Variants in NAP1L4 observed in about 807,000 individuals in gnomAD.
NAP1L4 encodes the protein nucleosome assembly protein 1 like 4.
A neutral mutation model predicts 58.2 loss-of-function variants in NAP1L4; 15 were observed. The observed-to-expected ratio is 0.26, with a 90% CI of 0.17 to 0.40. The LOEUF (loss-of-function observed/expected upper bound fraction) is 0.40, where lower values mean the gene tolerates loss of function less well. Among genes scored for constraint, NAP1L4 ranks in the 10% least tolerant of loss-of-function variants. NAP1L4 has a pLI of 1.00. For synonymous variants in NAP1L4, 171 were observed against 155.6 expected, an observed-to-expected ratio of 1.10 and a Z score of -0.74; for missense variants, 384 against 451.1, an observed-to-expected ratio of 0.85 and a Z score of 1.35.
Position 2,981,058 on chromosome 11 carries a change from C to T in NAP1L4, c.-17-1821G>A, listed in dbSNP as rs138630756. ...CAGCCTGGGCAACATGGGGAAACCT[C>T]GTCTCTACAAAAACAAACAAACAAA... is the stretch of plus-strand genomic sequence containing the variant. On this transcript the variant is annotated intron_variant, in intron 1 of 15. Coordinates refer to ENST00000380542, the MANE Select transcript of NAP1L4 (RefSeq NM_005969.4). Among the ~76,000 whole-genome samples, 721 of 151,624 alleles carry T rather than the reference C, an allele frequency of 4.8e-3. 4 individuals are homozygous for T. Among genetic ancestry groups the T allele is most frequent in the Non-Finnish European group, 8.3e-3 (561 of 67,912 alleles).
intron 7 of NAP1L4, among the ~76,000 whole-genome samples, chr11:2,964,975 C>T (rs972973063): frequency 1.3e-5 from 2 of 151,604 alleles, no homozygotes; most frequent in African/African-American, 4.8e-5. Flanking sequence ...TGTGGAGCAA[C>T]GGTGGCTGCC....
chr11:2,974,238 GTCA>G (rs1847822086), intron 4 of NAP1L4, among the ~76,000 whole-genome samples: 1 of 151,954 alleles, frequency 6.6e-6, no homozygotes, highest in South Asian at 2.1e-4. Flanking sequence ...CCATTAACTC[GTCA>G]TTTAGACAAA....
chr11:2,969,394 C>T (rs879760831), intron 7 of NAP1L4, among the ~76,000 whole-genome samples: 1 of 152,008 alleles, frequency 6.6e-6, no homozygotes, highest in Non-Finnish European at 1.5e-5. Context: ...AAACACACAG[C>T]TCATCCCTTC....
intron 8 of NAP1L4, among the ~76,000 whole-genome samples, chr11:2,961,474 C>T (rs1013205503): frequency 1.3e-5 from 2 of 149,834 alleles, no homozygotes; most frequent in Non-Finnish European, 3.0e-5. Flanking sequence ...AATAAAATGC[C>T]TATTTCTCTC....
chr11:2,958,370 TAATG>T, intron 10 of NAP1L4, 25 bp downstream of exon 10: 3 of 1,611,088 alleles, frequency 1.9e-6, no homozygotes, highest in Non-Finnish European at 1.7e-6. Flanking sequence ...TATAAGAACA[TAATG>T]AATATTAACA....
chr11:2,978,370 T>C lies in NAP1L4; in HGVS notation c.15-28A>G, dbSNP rs116251576. On this transcript the variant is annotated intron_variant, in intron 2 of 15. Coordinates refer to ENST00000380542, the MANE Select transcript of NAP1L4 (RefSeq NM_005969.4). ...AAAACAACAGTATGTTTAAAAAGTA[T>C]TACTGTAAAGAAAGTTCCAAAGACA... is the stretch of plus-strand genomic sequence containing the variant. The C allele has an allele frequency of 9.7e-4, 1,551 of 1,604,550 alleles. 12 individuals are homozygous for C. The African/African-American group carries it at 0.019, about 19-fold the overall frequency.
At chr11:2,962,269 G>T (rs1846971661) in intron 8 of NAP1L4, among the ~76,000 whole-genome samples, 1 of 152,266 alleles carries the variant, frequency 6.6e-6, no homozygotes, top group Admixed American at 6.5e-5. Flanking sequence ...GGTGGGGCAT[G>T]TAGGGGAATG....
At position 2,959,944 on chromosome 11, in the gene NAP1L4, A is replaced by T; in HGVS notation, c.607-35T>A. 6.2e-7 allele frequency: 1 copy of T among 1,608,306 alleles called. No homozygotes were observed. Among genetic ancestry groups the T allele is most frequent in the Non-Finnish European group, 8.5e-7 (1 of 1,176,412 alleles). On this transcript the variant is annotated intron_variant, in intron 8 of 15. Coordinates refer to ENST00000380542, the MANE Select transcript of NAP1L4 (RefSeq NM_005969.4). The surrounding 1 kb of genome is among the most constrained non-coding windows in gnomAD (Gnocchi z 4.9). ...GAAATTCAGAGTAAGCACCAGTTAA[A>T]ATAGAAAAATAACGAGGACAGATTG...
chr11:2,961,501 T>TAA lies in NAP1L4; in HGVS notation c.607-1594_607-1593dup, dbSNP rs34999812. Among the ~76,000 whole-genome samples, 356 of 138,862 alleles carry TAA rather than the reference T, an allele frequency of 2.6e-3. 1 individual carries two copies. The highest frequency in any genetic ancestry group is 4.1e-3 in the African/African-American group (155 of 38,042). The allele number at this position is 138,862 out of a possible 152,430, so 91.1% of individuals were successfully genotyped here. A position where few individuals can be genotyped will look rare whatever the true frequency, so the allele number is the denominator to read the frequency against. On this transcript the variant is annotated intron_variant, in intron 8 of 15. Coordinates refer to ENST00000380542, the MANE Select transcript of NAP1L4 (RefSeq NM_005969.4). ...ATTTCTCTCCCAACCCTCCACGGCT[T>TAA]AAAAAAAAAAAAAAAACCAACATAA...
intron 1 of NAP1L4, among the ~76,000 whole-genome samples, chr11:2,982,026 A>G (rs148712323): frequency 2.2e-4 from 34 of 152,336 alleles, no homozygotes; most frequent in Admixed American, 1.7e-3. Context: ...GTCAGACTTC[A>G]TAACAATTGT....
intron 1 of NAP1L4, chr11:2,990,569 G>A (rs968341023): frequency 6.6e-6 from 1 of 152,190 alleles, no homozygotes; most frequent in South Asian, 2.1e-4. Flanking sequence ...TCAAAACCTC[G>A]TAAGCTAGAG....
chr11:2,950,078 C>A (rs1846142995), intron 14 of NAP1L4, among the ~76,000 whole-genome samples: 1 of 152,390 alleles, frequency 6.6e-6, no homozygotes, highest in Admixed American at 6.5e-5. Context: ...ACGTTGTTCA[C>A]TGGCTGACTG....
chr11:2,964,434 G>A (rs1847135100), intron 8 of NAP1L4, among the ~76,000 whole-genome samples: 1 of 152,158 alleles, frequency 6.6e-6, no homozygotes, highest in Non-Finnish European at 1.5e-5. Flanking sequence ...AAATCATCCA[G>A]CACAGACTCA....
rs564828192 is a variant in NAP1L4 at position 2,946,318 on chromosome 11, G to A, written c.*33-672C>T. Among the ~76,000 whole-genome samples the A allele has an allele frequency of 1.1e-4, 16 of 152,050 alleles. No individual in the cohort carries two copies. Among genetic ancestry groups the A allele is most frequent in the South Asian group, 2.1e-4 (1 of 4,826 alleles). On this transcript the variant is annotated intron_variant, in intron 15 of 15. Coordinates refer to ENST00000380542, the MANE Select transcript of NAP1L4 (RefSeq NM_005969.4). This position sits in a 1 kb window ranked among gnomAD's most constrained non-coding sequence, Gnocchi z 4.8. Reference sequence around the variant, plus strand: ...TGCTATCCTTCCAGTAACGGCATCCGGGACACAAAATTCCCCTCCCAGAGG... The same window carrying A: ...TGCTATCCTTCCAGTAACGGCATCCAGGACACAAAATTCCCCTCCCAGAGG...
chr11:2,960,010 G>GTA (rs1846768600), intron 8 of NAP1L4, 101 bp from the exon 9 acceptor site: 1 of 1,265,092 alleles, frequency 7.9e-7, no homozygotes, highest in East Asian at 2.5e-5. Context: ...TTTTGGGAAA[G>GTA]CTCAACAGAT....
intron 7 of NAP1L4, among the ~76,000 whole-genome samples, chr11:2,965,369 A>T (rs184481685): frequency 6.6e-6 from 1 of 152,336 alleles, no homozygotes; most frequent in East Asian, 1.9e-4. Context: ...ACAGCATGGG[A>T]CTGTACTGAA....
At chr11:2,945,736 G>C in intron 15 of NAP1L4, 90 bp from the exon 16 acceptor site, 1 of 1,057,654 alleles carries the variant, frequency 9.5e-7, no homozygotes, top group Non-Finnish European at 1.3e-6. Flanking sequence ...AAGACTGAAT[G>C]AGTTCATTCT....
chr11:2,947,069 C>T (rs573879059), intron 15 of NAP1L4, among the ~76,000 whole-genome samples: 21 of 152,254 alleles, frequency 1.4e-4, no homozygotes, highest in African/African-American at 4.1e-4. Flanking sequence ...ATTTAAATTA[C>T]GCAAATACTA....
chr11:2,984,519 C>T (rs566535976), intron 1 of NAP1L4, among the ~76,000 whole-genome samples: 2 of 152,130 alleles, frequency 1.3e-5, no homozygotes, highest in East Asian at 1.9e-4. Flanking sequence ...TGCAGTGAGC[C>T]GAGATCTCGC....
Sources: gnomAD v4.1 joint callset for allele counts (sites outside exome capture counted in the v4.1 genomes callset) on GRCh38, gnomAD v4.1.1 for gene constraint, Gnocchi (gnomAD v3.1) non-coding constraint, MANE v1.5 for transcripts, NCBI Gene and HGNC (gene_info 2026-07-23, HGNC 2026-07-21) for gene names.